The following EPHX2 variants were observed in gnomAD, a reference collection of about 807,000 sequenced individuals.
The protein encoded by EPHX2 is bifunctional epoxide hydrolase 2.
In EPHX2, 74 loss-of-function variants were observed where a neutral mutation model predicts 78.7. The ratio of observed to expected loss-of-function variants is 0.94; its 90% CI spans 0.78 to 1.14. The LOEUF is 1.14. Ranked by LOEUF, EPHX2 falls within the 50% of genes most tolerant of loss-of-function variation. The pLI is 0.00. For missense variants in EPHX2, 715 were observed against 702.5 expected, an observed-to-expected ratio of 1.02 and a Z score of -0.20; for synonymous variants, 251 against 255.2, an observed-to-expected ratio of 0.98 and a Z score of 0.16.
Position 27,501,323 on chromosome 8 carries a change from T to TC in EPHX2, c.186+313_186+314insC, listed in dbSNP as rs1463720758. On this transcript the variant is annotated intron_variant, in intron 2 of 18. Transcript: ENST00000521400. ...GTAAGAAAGAGGGAAATGCTATATA[T>TC]TTTCTTCTTCTTCTTCTTCTTCTTC... Among the ~76,000 whole-genome samples the TC allele has an allele frequency of 7.9e-4, 114 of 144,526 alleles. 1 individual carries two copies. The South Asian group carries it at 9.3e-3, about 12-fold the overall frequency. The allele number at this position is 144,526 out of a possible 152,430, so 94.8% of individuals were successfully genotyped here.
At position 27,540,592 on chromosome 8, in the gene EPHX2, A is replaced by C. The variant is rs745957021; in HGVS notation, c.1315A>C (p.Ser439Arg). 4.3e-6 allele frequency: 7 copies of C among 1,614,068 alleles called. No homozygotes were observed. In the African/African-American group the frequency reaches 6.7e-5, roughly 15 times the overall value. Residue 439 changes from serine (S) to arginine (R), a missense_variant, in exon 15 of 19, where the codon AGC (serine) becomes CGC (arginine). Transcript: ENST00000521400. Reference protein sequence around the residue: ...FVNSPEEPSLSRMVTEEEIQF... With the variant: ...FVNSPEEPSLRRMVTEEEIQF... ...AAATAGCCCAGAAGAGCCCAGCCTC[A>C]GCAGGATGGTCACTGAGGAGGAAAT... is the stretch of plus-strand genomic sequence containing the variant.
In EPHX2 at chr8:27,544,488, A is replaced by G. The variant is rs1368700350; in HGVS notation, c.1634A>G (p.Asp545Gly). 1 of 1,613,794 alleles carries G rather than the reference A, an allele frequency of 6.2e-7. No individual in the cohort carries two copies. The highest frequency in any genetic ancestry group is 1.7e-5 in the Admixed American group (1 of 59,994). Residue 545 changes from aspartate (D) to glycine (G), a missense_variant, in exon 19 of 19, where the codon GAT (aspartate) becomes GGT (glycine). Asp to Gly is a moderately conservative substitution (Grantham distance 94). Transcript: ENST00000521400. Reference sequence around the variant, plus strand: ...ATCCTCATTAAGTGGCTGGATTCTGATGCCCGGAACCCACCGGTGGTCTCA... The same window carrying G: ...ATCCTCATTAAGTGGCTGGATTCTGGTGCCCGGAACCCACCGGTGGTCTCA... The part of the protein sequence containing the change: ...NQILIKWLDS[D>G]ARNPPVVSKM
chr8:27,534,573 A>T lies in EPHX2; in HGVS notation c.1171-2211A>T, dbSNP rs548280535. Among the ~76,000 whole-genome samples, 13 of 152,232 alleles carry T rather than the reference A, an allele frequency of 8.5e-5. No individual in the cohort carries two copies. In the East Asian group the frequency reaches 2.5e-3, roughly 29 times the overall value. On this transcript the variant is annotated intron_variant, in intron 12 of 18. Coordinates refer to ENST00000521400, the MANE Select transcript of EPHX2 (RefSeq NM_001979.6). ...AGGCTGAGGCAAGAGAATCTCTTGA[A>T]CCCATCTTGGCAGTGAGCTGAGATT...
intron 16 of EPHX2, among the ~76,000 whole-genome samples, chr8:27,541,977 A>G (rs1188357161): frequency 6.6e-6 from 1 of 151,908 alleles, no homozygotes; most frequent in Non-Finnish European, 1.5e-5. Context: ...TCTGAGTCTC[A>G]GTTTCCTCAT....
In EPHX2 at chr8:27,545,508, C is replaced by G. The variant is rs1243871716; in HGVS notation, c.*986C>G. 1 of 152,310 alleles carries G rather than the reference C, an allele frequency of 6.6e-6. No homozygotes were observed. The highest frequency in any genetic ancestry group is 2.4e-5 in the African/African-American group (1 of 41,410). The allele number at this position is 152,310 out of a possible 1,614,324, so 9.4% of individuals were successfully genotyped here. ...GGATCCTGAAACTCGCAGGGCCTCC[C>G]CCAACTGCCCCTGCCCACCCCCAGC... On this transcript the variant is annotated 3_prime_UTR_variant, in exon 19 of 19. Coordinates refer to ENST00000521400, the MANE Select transcript of EPHX2 (RefSeq NM_001979.6).
chr8:27,537,190 T>C (rs1331024397), intron 13 of EPHX2, among the ~76,000 whole-genome samples: 1 of 152,214 alleles, frequency 6.6e-6, no homozygotes, highest in African/African-American at 2.4e-5. Flanking sequence ...CTCTGTAAGC[T>C]GCACCCTCCT....
At chr8:27,536,570 C>T (rs559281771) in intron 12 of EPHX2, among the ~76,000 whole-genome samples, 3 of 152,308 alleles carry the variant, frequency 2.0e-5, no homozygotes, top group African/African-American at 7.2e-5. Context: ...ATAAACCTGC[C>T]TCCCGTGGGG....
chr8:27,523,524 C>G (rs529518824), intron 11 of EPHX2, among the ~76,000 whole-genome samples: 23 of 152,278 alleles, frequency 1.5e-4, no homozygotes, highest in African/African-American at 5.3e-4. Context: ...TCTGAATTTC[C>G]CTAACTAACC....
chr8:27,515,933 G>A (rs1242099232), intron 7 of EPHX2, 120 bp downstream of exon 7: 8 of 882,572 alleles, frequency 9.1e-6, no homozygotes, highest in Non-Finnish European at 1.4e-5. Flanking sequence ...TGTCTCCAAA[G>A]TGTGACCAGG....
intron 12 of EPHX2, among the ~76,000 whole-genome samples, chr8:27,526,266 A>G (rs1814843731): frequency 6.6e-6 from 1 of 152,196 alleles, no homozygotes; most frequent in Non-Finnish European, 1.5e-5. Context: ...ACTGTTCTCC[A>G]ACAATTATTT....
rs780053795 is a variant in EPHX2, at chr8:27,543,787, C to T, written c.1488C>T (p.Asp496=). The T allele has an allele frequency of 5.6e-6, 9 of 1,614,126 alleles. No individual in the cohort carries two copies. The Admixed American group carries it at 1.3e-4, about 24-fold the overall frequency. Residue 496 remains aspartate (D), a synonymous_variant, in exon 17 of 19, where the codon GAC becomes GAT. Transcript: ENST00000521400. ...IPALMVTAEK[D]FVLVPQMSQH... is the part of the protein sequence containing the mutation. ...CCCTGATGGTCACGGCGGAGAAGGA[C>T]TTCGTGCTCGTTCCTCAGATGTCCC... is the stretch of plus-strand genomic sequence containing the variant.
chr8:27,513,355 G>A (rs925478998), intron 6 of EPHX2, among the ~76,000 whole-genome samples: 1 of 152,234 alleles, frequency 6.6e-6, no homozygotes. Flanking sequence ...GTAAAGAGGA[G>A]TGAGGGGCTT....
At chr8:27,526,008 G>T (rs1814834372) in intron 12 of EPHX2, among the ~76,000 whole-genome samples, 1 of 152,304 alleles carries the variant, frequency 6.6e-6, no homozygotes, top group South Asian at 2.1e-4. Context: ...ACGTCACCTG[G>T]CCTGGTGCCC....
chr8:27,513,125 T>C (rs531362742), intron 6 of EPHX2, among the ~76,000 whole-genome samples: 2 of 152,282 alleles, frequency 1.3e-5, no homozygotes, highest in Non-Finnish European at 2.9e-5. Flanking sequence ...AGGTGCCTGC[T>C]CAGAATGGGA....
downstream of EPHX2, among the ~76,000 whole-genome samples, chr8:27,548,584 T>C (rs1815610824): frequency 6.6e-6 from 1 of 152,198 alleles, no homozygotes; most frequent in South Asian, 2.1e-4. Context: ...TGTAAAATGC[T>C]CATTAGACGT....
chr8:27,499,996 T>C (rs1324933722), intron 1 of EPHX2, among the ~76,000 whole-genome samples: 1 of 152,210 alleles, frequency 6.6e-6, no homozygotes, highest in Non-Finnish European at 1.5e-5. Context: ...TACAGTCACA[T>C]CCTGAGGTAT....
chr8:27,541,651 C>T lies in EPHX2; in HGVS notation c.1449+109C>T. On this transcript the variant is annotated intron_variant, in intron 16 of 18. Coordinates refer to ENST00000521400, the MANE Select transcript of EPHX2 (RefSeq NM_001979.6). ...GGGCCAGAGCTGGTTGTGGACAGAT[C>T]TGCTGGCCACCTCCTTTCCCTTTGG... 4.5e-6 allele frequency: 5 copies of T among 1,117,710 alleles called. No homozygotes were observed. The South Asian group carries it at 6.5e-5, about 14-fold the overall frequency. The allele number at this position is 1,117,710 out of a possible 1,614,324, so 69.2% of individuals were successfully genotyped here.
intron 2 of EPHX2, among the ~76,000 whole-genome samples, chr8:27,502,264 A>G (rs150933786): frequency 1.3e-5 from 2 of 152,368 alleles, no homozygotes; most frequent in East Asian, 1.9e-4. Flanking sequence ...GCATGCTGCC[A>G]TAGATCATTT....
At chr8:27,532,651 C>G (rs931764581) in intron 12 of EPHX2, among the ~76,000 whole-genome samples, 1 of 152,154 alleles carries the variant, frequency 6.6e-6, no homozygotes, top group African/African-American at 2.4e-5. Context: ...AGCTTGTAGA[C>G]ACATCACGCC....
Sources: allele counts gnomAD v4.1 joint callset (sites outside exome capture counted in the v4.1 genomes callset), GRCh38; gene constraint gnomAD v4.1.1; transcripts MANE v1.5; gene names NCBI Gene and HGNC (gene_info 2026-07-23, HGNC 2026-07-21).